The following ALK variants were observed in gnomAD, a reference collection of about 807,000 sequenced individuals.
ALK encodes the protein ALK receptor tyrosine kinase.
ALK carries 74 observed loss-of-function variants against 163.1 expected under a neutral mutation model. The ratio of observed to expected loss-of-function variants is 0.45; its 90% CI spans 0.38 to 0.55. The LOEUF is 0.55. Ranked by LOEUF, ALK falls within the 20% of genes least tolerant of loss-of-function variation. The pLI, the probability that ALK is intolerant of heterozygous loss-of-function variation, is 0.00. For synonymous variants in ALK, 960 were observed against 843.2 expected, an observed-to-expected ratio of 1.14 and a Z score of -2.40; for missense variants, 2,063 against 2,105.3, an observed-to-expected ratio of 0.98 and a Z score of 0.39.
At chr2:29,804,315 T>C (rs1339475517) in intron 1 of ALK, among the ~76,000 whole-genome samples, 1 of 152,226 alleles carries the variant, frequency 6.6e-6, no homozygotes, top group African/African-American at 2.4e-5. Flanking sequence ...CTTGATGCCA[T>C]CTCATTCCAC....
At chr2:29,831,474 C>T (rs1220320636) in intron 1 of ALK, among the ~76,000 whole-genome samples, 1 of 152,054 alleles carries the variant, frequency 6.6e-6, no homozygotes, top group African/African-American at 2.4e-5. Flanking sequence ...CCTCTATACG[C>T]TAAATTCTTA....
chr2:29,589,450 T>C (rs1422368015), intron 3 of ALK, among the ~76,000 whole-genome samples: 2 of 152,162 alleles, frequency 1.3e-5, no homozygotes, highest in Non-Finnish European at 2.9e-5. Context: ...AGTGTGGTGG[T>C]CCTGAGTTTG....
intron 4 of ALK, among the ~76,000 whole-genome samples, chr2:29,429,076 C>T (rs1401531039): frequency 2.0e-5 from 3 of 151,916 alleles, no homozygotes; most frequent in African/African-American, 2.4e-5. Context: ...GAACAGTCAA[C>T]AAGCAAGTAA....
chr2:29,444,609 T>A (rs1336311528), intron 4 of ALK, among the ~76,000 whole-genome samples: 1 of 152,220 alleles, frequency 6.6e-6, no homozygotes, highest in Non-Finnish European at 1.5e-5. Context: ...TGTTTTACAA[T>A]TGCATCAGTA....
intron 3 of ALK, among the ~76,000 whole-genome samples, chr2:29,640,527 G>A (rs562576611): frequency 3.9e-5 from 6 of 152,108 alleles, no homozygotes; most frequent in Non-Finnish European, 7.4e-5. Flanking sequence ...CTGAGCAGGC[G>A]CCACATTCTG....
At chr2:29,293,311 A>G (rs1194121494) in intron 9 of ALK, among the ~76,000 whole-genome samples, 1 of 152,202 alleles carries the variant, frequency 6.6e-6, no homozygotes, top group East Asian at 1.9e-4. Context: ...TCAATACATC[A>G]TTCTGTCAAT....
At position 29,227,135 on chromosome 2, in the gene ALK, G is replaced by C. The variant is rs2148178913; in HGVS notation, c.2915-61C>G. 1 of 1,610,450 alleles carries C rather than the reference G, an allele frequency of 6.2e-7. No individual in the cohort carries two copies. The highest frequency in any genetic ancestry group is 8.5e-7 in the Non-Finnish European group (1 of 1,177,232). On this transcript the variant is annotated intron_variant, in intron 17 of 28. Transcript: ENST00000389048. This position sits in a 1 kb window ranked among gnomAD's most constrained non-coding sequence, Gnocchi z 4.4. Reference sequence around the variant, plus strand: ...GCCTGCCTCCCCACTCCCAGCCTCAGTACTATGTCTCCAGGTGGTCACTGT... The same window carrying C: ...GCCTGCCTCCCCACTCCCAGCCTCACTACTATGTCTCCAGGTGGTCACTGT...
chr2:29,851,684 T>G (rs1470553519), intron 1 of ALK, among the ~76,000 whole-genome samples: 3 of 152,200 alleles, frequency 2.0e-5, no homozygotes, highest in Non-Finnish European at 2.9e-5. Flanking sequence ...TAAGGACCAC[T>G]GTCTAGACCA....
intron 4 of ALK, among the ~76,000 whole-genome samples, chr2:29,424,484 T>C (rs1670090092): frequency 6.6e-6 from 1 of 152,242 alleles, no homozygotes; most frequent in Non-Finnish European, 1.5e-5. Context: ...AGGATTAAAG[T>C]TGTTCTTGTA....
At chr2:29,574,227 G>A (rs1674459325) in intron 3 of ALK, among the ~76,000 whole-genome samples, 1 of 152,162 alleles carries the variant, frequency 6.6e-6, no homozygotes, top group African/African-American at 2.4e-5. Flanking sequence ...AAAAAGATTT[G>A]CTCTTACCAC....
At chr2:29,715,361 G>A (rs1451728316) in intron 2 of ALK, among the ~76,000 whole-genome samples, 1 of 152,184 alleles carries the variant, frequency 6.6e-6, no homozygotes, top group Non-Finnish European at 1.5e-5. Context: ...AAATCATGAG[G>A]ATTCCAGACC....
intron 3 of ALK, among the ~76,000 whole-genome samples, chr2:29,602,362 A>G (rs1404958706): frequency 6.6e-6 from 1 of 152,192 alleles, no homozygotes; most frequent in African/African-American, 2.4e-5. Context: ...AAAACCATCA[A>G]GTCCAGTGAG....
At chr2:29,807,920 AAG>A (rs1664661026) in intron 1 of ALK, among the ~76,000 whole-genome samples, 1 of 152,148 alleles carries the variant, frequency 6.6e-6, no homozygotes, top group African/African-American at 2.4e-5. Flanking sequence ...GAGTATCTCA[AAG>A]AGAGAGAGTT....
Position 29,717,189 on chromosome 2 carries a change from A to AGG in ALK, c.787+388_787+389insCC, listed in dbSNP as rs1553351642. 1.2e-3 allele frequency among the ~76,000 whole-genome samples: 177 copies of AGG among 142,852 alleles called. 2 individuals carry two copies. The highest frequency in any genetic ancestry group is 4.6e-3 in the African/African-American group (164 of 35,512). 93.7% of individuals were successfully genotyped at this position (142,852 alleles called of 152,430 possible). On this transcript the variant is annotated intron_variant, in intron 2 of 28. Transcript: ENST00000389048. The stretch of plus-strand genomic sequence containing the variant: ...TCTGTCTCAAAAAAAAAAAAAAAAA[A>AGG]AGAGAGAGAGAGAGATTGTGATTGC...
At chr2:29,332,035 C>T (rs1667452957) in intron 5 of ALK, among the ~76,000 whole-genome samples, 1 of 151,666 alleles carries the variant, frequency 6.6e-6, no homozygotes, top group Non-Finnish European at 1.5e-5. Flanking sequence ...ACCTGTAATC[C>T]CAGGACTTTG....
intron 23 of ALK, among the ~76,000 whole-genome samples, chr2:29,216,207 GTTC>G (rs1376546978): frequency 3.3e-5 from 5 of 152,198 alleles, no homozygotes; most frequent in Non-Finnish European, 5.9e-5. Flanking sequence ...GGACCCAGCT[GTTC>G]TTCTCATGGC....
chr2:29,393,089 G>T (rs1427338117), intron 4 of ALK, among the ~76,000 whole-genome samples: 1 of 152,150 alleles, frequency 6.6e-6, no homozygotes, highest in Non-Finnish European at 1.5e-5. Flanking sequence ...AGTGCTCAAG[G>T]TTATTCTTTA....
intron 3 of ALK, among the ~76,000 whole-genome samples, chr2:29,550,140 T>C (rs538132548): frequency 6.6e-6 from 1 of 152,338 alleles, no homozygotes; most frequent in South Asian, 2.1e-4. Context: ...GGCTAATGCT[T>C]ATCCAGTGCC....
At chr2:29,777,107 G>A (rs1254517124) in intron 1 of ALK, among the ~76,000 whole-genome samples, 1 of 152,192 alleles carries the variant, frequency 6.6e-6, no homozygotes, top group Non-Finnish European at 1.5e-5. Flanking sequence ...CCAGTGGGAA[G>A]CTGAGTATGT....
Sources: allele counts gnomAD v4.1 joint callset (sites outside exome capture counted in the v4.1 genomes callset), GRCh38; gene constraint gnomAD v4.1.1; non-coding constraint Gnocchi (gnomAD v3.1); transcripts MANE v1.5; gene names NCBI Gene and HGNC (gene_info 2026-07-23, HGNC 2026-07-21).